Variants in SATB2 observed in about 807,000 individuals in gnomAD.
SATB2 encodes the protein SATB homeobox 2.
Under a neutral mutation model 73.4 loss-of-function variants are expected in SATB2, and 1 was observed. The observed-to-expected ratio is 0.01, with a 90% CI of 0.00 to 0.06. The LOEUF (loss-of-function observed/expected upper bound fraction) is 0.06. Among genes scored for constraint, SATB2 ranks in the 10% least tolerant of loss-of-function variants. The pLI is 1.00. For missense variants in SATB2, 459 were observed against 945.8 expected, an observed-to-expected ratio of 0.49 and a Z score of 6.75; for synonymous variants, 397 against 367.0, an observed-to-expected ratio of 1.08 and a Z score of -0.93.
At chr2:199,458,869 C>A, upstream of SATB2, 1 of 298,436 alleles carries the variant, frequency 3.4e-6, no homozygotes. Context: ...CGCTTCGTGC[C>A]GCCGCGCGCG....
At chr2:199,373,454 T>C (rs1388951102) in intron 5 of SATB2, among the ~76,000 whole-genome samples, 1 of 152,176 alleles carries the variant, frequency 6.6e-6, no homozygotes, top group East Asian at 1.9e-4. Context: ...AACATCAGAA[T>C]TGAAAACTGC....
intron 7 of SATB2, among the ~76,000 whole-genome samples, chr2:199,339,132 C>G (rs1574521804): frequency 6.6e-6 from 1 of 152,170 alleles, no homozygotes; most frequent in East Asian, 1.9e-4. Context: ...AGAGCACAAA[C>G]AAAGCCATCA....
intron 7 of SATB2, among the ~76,000 whole-genome samples, chr2:199,343,666 C>T (rs975708382): frequency 7.2e-5 from 11 of 152,182 alleles, no homozygotes; most frequent in Admixed American, 3.3e-4. Context: ...TTATACACAA[C>T]AGGTTATGAT....
chr2:199,415,435 A>G (rs1559040946), intron 3 of SATB2, among the ~76,000 whole-genome samples: 1 of 152,220 alleles, frequency 6.6e-6, no homozygotes, highest in Non-Finnish European at 1.5e-5. Context: ...GCTATATAGT[A>G]TTGTTTTAAC....
intron 2 of SATB2, among the ~76,000 whole-genome samples, chr2:199,440,258 T>C (rs554579013): frequency 6.6e-6 from 1 of 152,344 alleles, no homozygotes; most frequent in Non-Finnish European, 1.5e-5. Flanking sequence ...CTCCTCTTTG[T>C]GGCCCTGCTG....
chr2:199,439,063 T>G (rs941085173), intron 2 of SATB2, among the ~76,000 whole-genome samples: 1 of 152,252 alleles, frequency 6.6e-6, no homozygotes, highest in South Asian at 2.1e-4. Context: ...TGACCTGTAC[T>G]ACTTGTAAGT....
intron 3 of SATB2, among the ~76,000 whole-genome samples, chr2:199,430,274 G>A (rs1691462578): frequency 1.3e-5 from 2 of 152,308 alleles, no homozygotes; most frequent in South Asian, 2.1e-4. Context: ...GCAGTACCCT[G>A]GATTAACATG....
At chr2:199,362,445 A>G (rs973890587) in intron 6 of SATB2, among the ~76,000 whole-genome samples, 13 of 146,378 alleles carry the variant, frequency 8.9e-5, no homozygotes, top group Non-Finnish European at 1.6e-4. Flanking sequence ...TCACTACTAT[A>G]TATTTACCAG....
At chr2:199,304,770 A>AC (rs1687383624) in intron 10 of SATB2, among the ~76,000 whole-genome samples, 1 of 152,180 alleles carries the variant, frequency 6.6e-6, no homozygotes, top group South Asian at 2.1e-4. Context: ...GACTGAGAAT[A>AC]CTAAAGAGAA....
At position 199,328,062 on chromosome 2, in the gene SATB2, T is replaced by C. The variant is rs1688079583; in HGVS notation, c.1386+636A>G. Among the ~76,000 whole-genome samples the C allele has an allele frequency of 2.0e-5, 3 of 152,262 alleles. 1 individual carries two copies. In the South Asian group the frequency reaches 6.2e-4, roughly 32 times the overall value. On this transcript the variant is annotated intron_variant, in intron 8 of 10. Coordinates refer to ENST00000417098, the MANE Select transcript of SATB2 (RefSeq NM_001172509.2). ...AAACTCAGCTTCAACACAAATGCCC[T>C]AACTCCTAACTGAGCAGCTATGTAT...
chr2:199,340,654 TAC>T (rs1177339800), intron 7 of SATB2, among the ~76,000 whole-genome samples: 2 of 152,218 alleles, frequency 1.3e-5, no homozygotes, highest in South Asian at 2.1e-4. Flanking sequence ...TTTCAAATGA[TAC>T]AGTCTTCTTA....
At chr2:199,436,421 A>T (rs991365722) in intron 2 of SATB2, among the ~76,000 whole-genome samples, 2 of 151,222 alleles carry the variant, frequency 1.3e-5, no homozygotes. Flanking sequence ...GGCATCATCT[A>T]TTTAAAAAAA....
chr2:199,399,164 C>T (rs563327520), intron 3 of SATB2, among the ~76,000 whole-genome samples: 5 of 152,230 alleles, frequency 3.3e-5, no homozygotes, highest in South Asian at 2.1e-4. Context: ...CCCATCTACT[C>T]GGGAGGCTGA....
upstream of SATB2, among the ~76,000 whole-genome samples, chr2:199,459,053 C>G (rs1052640463): frequency 6.6e-6 from 1 of 152,046 alleles, no homozygotes; most frequent in African/African-American, 2.4e-5. This position sits in a 1 kb window ranked among gnomAD's most constrained non-coding sequence, Gnocchi z 4.2. Context: ...ATCGCTGGAG[C>G]GCTCGCCGCT....
chr2:199,399,860 T>C (rs1290526563), intron 3 of SATB2, among the ~76,000 whole-genome samples: 1 of 152,110 alleles, frequency 6.6e-6, no homozygotes, highest in East Asian at 1.9e-4. Context: ...CCTCCAACAT[T>C]GGGGATTATA....
At chr2:199,468,360 G>C (rs1692633266), upstream of SATB2, 1 of 150,508 alleles carries the variant, frequency 6.6e-6, no homozygotes, top group African/African-American at 2.5e-5. Flanking sequence ...ACTAACCTCA[G>C]TATCAAAGGG....
intron 6 of SATB2, among the ~76,000 whole-genome samples, chr2:199,363,980 T>C (rs1333018342): frequency 6.6e-6 from 1 of 152,154 alleles, no homozygotes; most frequent in Non-Finnish European, 1.5e-5. Flanking sequence ...TAAGTTACTT[T>C]TACCTCATCA....
upstream of SATB2, among the ~76,000 whole-genome samples, chr2:199,460,089 C>A (rs1006119181): frequency 2.6e-5 from 4 of 152,048 alleles, no homozygotes; most frequent in Non-Finnish European, 1.5e-5. This position sits in a 1 kb window ranked among gnomAD's most constrained non-coding sequence, Gnocchi z 4.0. Flanking sequence ...CTTAGGGGAG[C>A]CACCCTGGGA....
intron 3 of SATB2, among the ~76,000 whole-genome samples, chr2:199,395,217 C>A (rs775491738): frequency 2.6e-5 from 4 of 152,088 alleles, no homozygotes; most frequent in African/African-American, 7.2e-5. Flanking sequence ...TTGGTTCAAT[C>A]GTGTTTTATC....
Sources: gnomAD v4.1 joint callset for allele counts (sites outside exome capture counted in the v4.1 genomes callset) on GRCh38, gnomAD v4.1.1 for gene constraint, Gnocchi (gnomAD v3.1) non-coding constraint, MANE v1.5 for transcripts, NCBI Gene and HGNC (gene_info 2026-07-23, HGNC 2026-07-21) for gene names.